The following MYO18A variants were observed in gnomAD, a reference collection of about 807,000 sequenced individuals.
MYO18A encodes unconventional myosin-XVIIIa.
In MYO18A, 78 loss-of-function variants were observed where a neutral mutation model predicts 235.8. The ratio of observed to expected loss-of-function variants is 0.33; its 90% CI spans 0.28 to 0.40. MYO18A has a LOEUF of 0.40. Among genes scored for constraint, MYO18A ranks in the 10% least tolerant of loss-of-function variants. The pLI, the probability that MYO18A is intolerant of heterozygous loss-of-function variation, is 1.00. For synonymous variants in MYO18A, 977 were observed against 1,077.8 expected, an observed-to-expected ratio of 0.91 and a Z score of 1.83; for missense variants, 2,215 against 2,699.3, an observed-to-expected ratio of 0.82 and a Z score of 3.98.
chr17:29,166,788 G>A lies in MYO18A; in HGVS notation c.153C>T (p.Ser51=). Reference sequence around the variant, plus strand: ...GGCGCGTCTTGGATTCACGCTTGGAGGAGCGGTTCAGGTTGAAGAAGCCAC... The same window carrying A: ...GGCGCGTCTTGGATTCACGCTTGGAAGAGCGGTTCAGGTTGAAGAAGCCAC... The part of the protein sequence containing the change: ...LRRGFFNLNR[S]SKRESKTRLE... The change falls in exon 2 of 42, where the codon TCC becomes TCT. Residue 51 remains serine (S), a synonymous_variant. Coordinates refer to ENST00000527372, the MANE Select transcript of MYO18A (RefSeq NM_078471.4). The A allele has an allele frequency of 6.2e-7, 1 of 1,611,652 alleles. No individual in the cohort carries two copies. Among genetic ancestry groups the A allele is most frequent in the Non-Finnish European group, 8.5e-7 (1 of 1,178,980 alleles).
chr17:29,166,583 G>T lies in MYO18A; in HGVS notation c.358C>A (p.Arg120=). 3 of 1,613,804 alleles carry T rather than the reference G, an allele frequency of 1.9e-6. No homozygotes were observed. The East Asian group carries it at 6.7e-5, about 36-fold the overall frequency. The part of the protein sequence containing the change: ...EGSFRGSVLQ[R]AAKFGSLAKQ... The stretch of plus-strand genomic sequence containing the variant: ...GCCAGTGAGCCGAACTTGGCTGCCC[G>T]CTGCAGCACCGAGCCACGGAAGCTA... Residue 120 remains arginine (R), a synonymous_variant, in exon 2 of 42, where the codon CGG becomes AGG. Coordinates refer to ENST00000527372, the MANE Select transcript of MYO18A (RefSeq NM_078471.4).
At chr17:29,099,602 G>C in intron 22 of MYO18A, 32 bp downstream of exon 22, 2 of 1,604,654 alleles carry the variant, frequency 1.2e-6, no homozygotes, top group Non-Finnish European at 1.7e-6. Flanking sequence ...CATCTAGGTT[G>C]GGGAGGGGGA....
chr17:29,074,706 C>G lies in MYO18A; in HGVS notation c.*64G>C. ...GGGGAGACCGGTGCCCCACCACTTC[C>G]TGGGAGAGGTGCCCAGGCAGCCACA... On this transcript the variant is annotated 3_prime_UTR_variant, in exon 42 of 42. Coordinates refer to ENST00000527372, the MANE Select transcript of MYO18A (RefSeq NM_078471.4). The surrounding 1 kb of genome is among the most constrained non-coding windows in gnomAD (Gnocchi z 4.4). 1 of 1,584,750 alleles carries G rather than the reference C, an allele frequency of 6.3e-7. No homozygotes were observed. Among genetic ancestry groups the G allele is most frequent in the Middle Eastern group, 1.7e-4 (1 of 5,978 alleles).
In MYO18A at chr17:29,075,956, C is replaced by T. The variant is rs184869853; in HGVS notation, c.6021-1042G>A. On this transcript the variant is annotated intron_variant, in intron 41 of 41. Coordinates refer to ENST00000527372, the MANE Select transcript of MYO18A (RefSeq NM_078471.4). ...GCAGGAGTTCCATGTTCCCTGCTGC[C>T]TATAATTCTGACTTAAGCTGAAAAG... 442 of 154,604 alleles carry T rather than the reference C, an allele frequency of 2.9e-3. 1 individual carries two copies. The highest frequency in any genetic ancestry group is 4.9e-3 in the Non-Finnish European group (331 of 68,022). The allele number at this position is 154,604 out of a possible 1,614,324, so 9.6% of individuals were successfully genotyped here. A position where few individuals can be genotyped will look rare whatever the true frequency, so the allele number is the denominator to read the frequency against.
At chr17:29,089,873 G>A in intron 37 of MYO18A, 88 bp downstream of exon 37, 4 of 1,545,778 alleles carry the variant, frequency 2.6e-6, no homozygotes, top group Non-Finnish European at 3.5e-6. Context: ...CTGTCCGGGG[G>A]CCTGTCCAGC....
In MYO18A at chr17:29,140,589, G is replaced by T; in HGVS notation, c.1000-18336C>A. Reference sequence around the variant, plus strand: ...TGGAAGGGAAGGAGAAGGCTCTTAGGGTAAAGCCATTGGGGTGGGGGGCAG... The same window carrying T: ...TGGAAGGGAAGGAGAAGGCTCTTAGTGTAAAGCCATTGGGGTGGGGGGCAG... On this transcript the variant is annotated intron_variant, in intron 2 of 41. Coordinates refer to ENST00000527372, the MANE Select transcript of MYO18A (RefSeq NM_078471.4). The surrounding 1 kb of genome is among the most constrained non-coding windows in gnomAD (Gnocchi z 4.2). 1 of 300,996 alleles carries T rather than the reference G, an allele frequency of 3.3e-6. No individual in the cohort carries two copies. The highest frequency in any genetic ancestry group is 6.0e-6 in the Non-Finnish European group (1 of 167,082). The allele number at this position is 300,996 out of a possible 1,614,324, so 18.6% of individuals were successfully genotyped here. A position where few individuals can be genotyped will look rare whatever the true frequency, so the allele number is the denominator to read the frequency against.
At chr17:29,153,739 T>C (rs1205666614) in intron 2 of MYO18A, among the ~76,000 whole-genome samples, 3 of 152,140 alleles carry the variant, frequency 2.0e-5, no homozygotes, top group Admixed American at 2.0e-4. Context: ...CCAAAACTAG[T>C]CCTTCCAAGC....
Position 29,074,160 on chromosome 17 carries a change from GA to G in MYO18A, c.*609del. The G allele has an allele frequency of 6.2e-7, 1 of 1,613,058 alleles. No homozygotes were observed. Among genetic ancestry groups the G allele is most frequent in the Non-Finnish European group, 8.5e-7 (1 of 1,179,428 alleles). ...TCACCAGCGTCTCCAGCTGCACAGA[GA>G]AAGGACTGCTCTCTGAAGGGTGAAG... is the stretch of plus-strand genomic sequence containing the variant. On this transcript the variant is annotated 3_prime_UTR_variant, in exon 42 of 42. Coordinates refer to ENST00000527372, the MANE Select transcript of MYO18A (RefSeq NM_078471.4). The surrounding 1 kb of genome is among the most constrained non-coding windows in gnomAD (Gnocchi z 4.4).
At chr17:29,091,028 G>T in intron 34 of MYO18A, 102 bp from the exon 35 acceptor site, 1 of 905,922 alleles carries the variant, frequency 1.1e-6, no homozygotes. Context: ...ATGATAATGG[G>T]CTGAGCCTGC....
At chr17:29,116,576 G>T in intron 10 of MYO18A, 121 bp from the exon 11 acceptor site, 2 of 1,029,818 alleles carry the variant, frequency 1.9e-6, no homozygotes, top group Non-Finnish European at 3.0e-6. Context: ...GGATGAGTAG[G>T]CAAGAAAACA....
intron 41 of MYO18A, chr17:29,080,229 G>T: frequency 1.0e-6 from 1 of 986,006 alleles, no homozygotes; most frequent in Non-Finnish European, 1.2e-6. Context: ...TGCTCCGCTG[G>T]AATGGAACAG....
chr17:29,098,080 G>T, intron 25 of MYO18A, 25 bp downstream of exon 25: 1 of 1,610,658 alleles, frequency 6.2e-7, no homozygotes, highest in South Asian at 1.1e-5. Flanking sequence ...CCAGCCTGCT[G>T]TTCTCACCCA....
chr17:29,090,812 G>A lies in MYO18A; in HGVS notation c.5302C>T (p.Gln1768Ter). 6.2e-7 allele frequency: 1 copy of A among 1,613,462 alleles called. No individual in the cohort carries two copies. The highest frequency in any genetic ancestry group is 8.5e-7 in the Non-Finnish European group (1 of 1,179,406). The stretch of plus-strand genomic sequence containing the variant: ...ACGGGCACTCCTGGCAGGGGTACCT[G>A]AGCCACGGCAGCCTTGTGCTTCTTC... Reference protein sequence around the residue: ...LMKKHKAAVAQASRDLAQIND... With the variant: ...LMKKHKAAVA The change falls in exon 35 of 42, where the codon CAG becomes TAG. Residue 1768 changes from glutamine (Q) to a stop codon, truncating the protein, a stop_gained and splice_region_variant. Transcript: ENST00000527372. LOFTEE classifies it high-confidence loss of function.
intron 35 of MYO18A, 34 bp from the exon 36 acceptor site, chr17:29,090,649 C>T (rs2066375368): frequency 6.3e-7 from 1 of 1,583,372 alleles, no homozygotes. Context: ...GAAGCAGGAT[C>T]CCCCATAAGC....
In MYO18A at chr17:29,142,620, TG is replaced by T. The variant is rs534395768; in HGVS notation, c.1000-20368del. Among the ~76,000 whole-genome samples, 39 of 152,340 alleles carry T rather than the reference TG, an allele frequency of 2.6e-4. 1 individual carries two copies. In the East Asian group the frequency reaches 7.1e-3, roughly 28 times the overall value. ...AACTCTGGATATGGGGTGCAGCATCTGTGTTTTAACTAGGCTTCCAGGTGAT... is the reference window on the plus strand; with the variant it reads ...AACTCTGGATATGGGGTGCAGCATCTTGTTTTAACTAGGCTTCCAGGTGAT... On this transcript the variant is annotated intron_variant, in intron 2 of 41. Coordinates refer to ENST00000527372, the MANE Select transcript of MYO18A (RefSeq NM_078471.4).
intron 2 of MYO18A, among the ~76,000 whole-genome samples, chr17:29,149,135 G>T (rs1019727524): frequency 3.9e-5 from 6 of 152,230 alleles, no homozygotes; most frequent in Non-Finnish European, 7.3e-5. Flanking sequence ...CGTCCCCCAG[G>T]AGCTCCGGCC....
rs374382667 is a variant in MYO18A, at chr17:29,093,992, C to G, written c.4809G>C (p.Ser1603=). ...RDEEVEEARQ[S]CQKKLKQMEV... is the part of the protein sequence containing the mutation. ...TCAGATACCTTACCTTCTTCTGACA[C>G]GACTGCCGGGCCTCCTCCACCTCCT... Residue 1603 remains serine, a synonymous_variant, in exon 31 of 42, where the codon TCG becomes TCC. Coordinates refer to ENST00000527372, the MANE Select transcript of MYO18A (RefSeq NM_078471.4). 2 of 1,608,358 alleles carry G rather than the reference C, an allele frequency of 1.2e-6. No individual in the cohort carries two copies. The highest frequency in any genetic ancestry group is 2.7e-5 in the African/African-American group (2 of 74,868).
At position 29,120,593 on chromosome 17, in the gene MYO18A, C is replaced by G. The variant is rs762018537; in HGVS notation, c.1728+23G>C. The G allele has an allele frequency of 6.2e-7, 1 of 1,607,920 alleles. No individual in the cohort carries two copies. ...TCATGTGGCCTGTGTCCTACTACCCCGAGTCCTGGGCAGCACTCTCACCTG... is the reference window on the plus strand; with the variant it reads ...TCATGTGGCCTGTGTCCTACTACCCGGAGTCCTGGGCAGCACTCTCACCTG... On this transcript the variant is annotated intron_variant, in intron 7 of 41. Coordinates refer to ENST00000527372, the MANE Select transcript of MYO18A (RefSeq NM_078471.4). This position sits in a 1 kb window ranked among gnomAD's most constrained non-coding sequence, Gnocchi z 4.2.
At chr17:29,128,541 C>G in intron 2 of MYO18A, 4 of 1,252,124 alleles carry the variant, frequency 3.2e-6, no homozygotes, top group Non-Finnish European at 3.1e-6. Context: ...GAGCTGCCCT[C>G]TAGCTACAGT....
Sources: allele counts gnomAD v4.1 joint callset (sites outside exome capture counted in the v4.1 genomes callset), GRCh38; gene constraint gnomAD v4.1.1; non-coding constraint Gnocchi (gnomAD v3.1); transcripts MANE v1.5; gene names NCBI Gene and HGNC (gene_info 2026-07-23, HGNC 2026-07-21).